Variants in NDRG4 observed in about 807,000 individuals in gnomAD.
NDRG4 encodes NDRG family member 4.
Under a neutral mutation model 55.8 loss-of-function variants are expected in NDRG4, and 38 were observed. The ratio of observed to expected loss-of-function variants is 0.68; its 90% CI spans 0.53 to 0.89. The LOEUF (loss-of-function observed/expected upper bound fraction) is 0.89, where lower values mean the gene tolerates loss of function less well. NDRG4 is among the 40% of genes least tolerant of loss of function. The pLI, the probability that NDRG4 is intolerant of heterozygous loss-of-function variation, is 0.00. For missense variants in NDRG4, 455 were observed against 468.6 expected (o/e 0.97, Z 0.27); for synonymous variants, 190 against 182.7 (o/e 1.04, Z -0.32).
chr16:58,500,518 G>T, intron 1 of NDRG4: 1 of 501,398 alleles, frequency 2.0e-6, no homozygotes, highest in Admixed American at 3.6e-5. Flanking sequence ...GTGTGGTTGG[G>T]GGGTGGGTGA....
At chr16:58,507,178 G>C in intron 8 of NDRG4, 163 bp downstream of exon 8, 1 of 631,308 alleles carries the variant, frequency 1.6e-6, no homozygotes, top group South Asian at 1.8e-5. Context: ...GTCACACCCT[G>C]TGAGGGGCAG....
At chr16:58,505,119 G>A (rs940143193) in intron 5 of NDRG4, among the ~76,000 whole-genome samples, 1 of 152,168 alleles carries the variant, frequency 6.6e-6, no homozygotes, top group Non-Finnish European at 1.5e-5. Flanking sequence ...GGAGGCCAAG[G>A]TGGGCAGATC....
rs1235215873 is a variant in NDRG4, at chr16:58,475,335, TAGG to T, written c.-24+11542_-24+11544del. Among the ~76,000 whole-genome samples, 19 of 152,314 alleles carry T rather than the reference TAGG, an allele frequency of 1.2e-4. No homozygotes were observed. The East Asian group carries it at 2.1e-3, about 17-fold the overall frequency. ...TATTGTGAGCTTGTGAGGTGTGGGT[TAGG>T]AGGGGCTGGCTCACTGGTTTAAACT... On this transcript the variant is annotated intron_variant, in intron 1 of 15. Coordinates refer to the NDRG4 transcript ENST00000258187.
At chr16:58,495,939 G>A (rs962158044), upstream of NDRG4, among the ~76,000 whole-genome samples, 3 of 152,172 alleles carry the variant, frequency 2.0e-5, no homozygotes, top group South Asian at 6.2e-4. Context: ...GTGGTCGGGA[G>A]CTGGCCCAGG....
intron 1 of NDRG4, chr16:58,501,599 G>A (rs987586721): frequency 5.3e-6 from 1 of 189,534 alleles, no homozygotes. Context: ...TGAGTCCTGA[G>A]CTCTCCGCAG....
At chr16:58,511,112 C>A in intron 14 of NDRG4, 1 of 487,660 alleles carries the variant, frequency 2.1e-6, no homozygotes, top group Non-Finnish European at 3.7e-6. Context: ...TCCGCGTCCT[C>A]CTTTACAGAA....
intron 7 of NDRG4, 118 bp from the exon 8 acceptor site, chr16:58,506,794 T>TTG: frequency 8.4e-7 from 1 of 1,185,078 alleles, no homozygotes; most frequent in Non-Finnish European, 1.2e-6. Context: ...CCACCCTGTC[T>TTG]CCCCTGCCTG....
Position 58,478,178 on chromosome 16 carries a change from CAG to C in NDRG4, c.-23-9577_-23-9576del, listed in dbSNP as rs546564155. On this transcript the variant is annotated intron_variant, in intron 1 of 15. Transcript: ENST00000258187. ...GGCCAAGGTGGATGGATCACGAGGT[CAG>C]GGGTTTGAGACCAGCCTGGCCAACA... 9.5e-3 allele frequency among the ~76,000 whole-genome samples: 1,450 copies of C among 152,194 alleles called. 8 individuals carry two copies. Among genetic ancestry groups the C allele is most frequent in the Non-Finnish European group, 0.014 (979 of 68,014 alleles).
intron 2 of NDRG4, among the ~76,000 whole-genome samples, chr16:58,490,729 C>G (rs1008760293): frequency 6.6e-6 from 1 of 152,228 alleles, no homozygotes; most frequent in African/African-American, 2.4e-5. Context: ...GTAATCCCAG[C>G]ACTTTGGGAG....
At chr16:58,510,826 C>A (rs1218713556) in intron 14 of NDRG4, 143 bp downstream of exon 14, 3 of 765,738 alleles carry the variant, frequency 3.9e-6, no homozygotes, top group Non-Finnish European at 2.2e-6. Flanking sequence ...AGAAACCCCA[C>A]AGATTCTTGC....
chr16:58,483,963 G>A (rs1332435537), intron 1 of NDRG4, among the ~76,000 whole-genome samples: 1 of 152,198 alleles, frequency 6.6e-6, no homozygotes, highest in African/African-American at 2.4e-5. Flanking sequence ...CCAGCTACTT[G>A]GGAGGCTGAG....
upstream of NDRG4, chr16:58,499,727 C>T (rs1452914942): frequency 5.5e-6 from 1 of 183,076 alleles, no homozygotes; most frequent in South Asian, 1.1e-4. Context: ...GTCAAGGGCT[C>T]TAGCTGTCTG....
chr16:58,481,009 A>T lies in NDRG4; in HGVS notation c.-23-6747A>T, dbSNP rs901364382. Among the ~76,000 whole-genome samples, 16 of 125,736 alleles carry T rather than the reference A, an allele frequency of 1.3e-4. No homozygotes were observed. In the South Asian group the frequency reaches 1.6e-3, roughly 13 times the overall value. The allele number at this position is 125,736 out of a possible 152,430, so 82.5% of individuals were successfully genotyped here. A position where few individuals can be genotyped will look rare whatever the true frequency, so the allele number is the denominator to read the frequency against. On this transcript the variant is annotated intron_variant, in intron 1 of 15. Coordinates refer to the NDRG4 transcript ENST00000258187. ...GGGCGACAGAGTGAGACTCTGTCTTAAAAAAAAAAAAAAAAAGATGATAGA... is the reference window on the plus strand; with the variant it reads ...GGGCGACAGAGTGAGACTCTGTCTTTAAAAAAAAAAAAAAAAGATGATAGA...
chr16:58,503,353 G>A (rs1457738629), intron 1 of NDRG4, among the ~76,000 whole-genome samples: 1 of 152,186 alleles, frequency 6.6e-6, no homozygotes, highest in African/African-American at 2.4e-5. Flanking sequence ...GCTGGCACGG[G>A]GTGTTTTCTG....
rs40185 is a variant in NDRG4 at position 58,506,691 on chromosome 16, G to A, written c.516+77G>A. ...CAGCTGGCTCGGTAGGAGGCAGGCG[G>A]GTGTCTTTGGCATCTGACCTGGCTC... On this transcript the variant is annotated intron_variant, in intron 7 of 14. Coordinates refer to ENST00000570248, the MANE Select transcript of NDRG4 (RefSeq NM_001242835.2). The A allele has an allele frequency of 1.1e-3, 1,689 of 1,485,288 alleles. 2 individuals are homozygous for A. Among genetic ancestry groups the A allele is most frequent in the Non-Finnish European group, 1.2e-3 (1,340 of 1,094,794 alleles). The allele number at this position is 1,485,288 out of a possible 1,614,324, so 92.0% of individuals were successfully genotyped here.
chr16:58,476,502 T>C (rs924399632), intron 1 of NDRG4, among the ~76,000 whole-genome samples: 1 of 147,364 alleles, frequency 6.8e-6, no homozygotes, highest in Non-Finnish European at 1.5e-5. Flanking sequence ...CGCTGTGTTA[T>C]GTCCTTTCTA....
At chr16:58,473,688 T>C (rs1288647087) in intron 1 of NDRG4, among the ~76,000 whole-genome samples, 2 of 152,092 alleles carry the variant, frequency 1.3e-5, no homozygotes, top group Admixed American at 6.5e-5. Context: ...CTTCAGAACA[T>C]ACCCAGAAGC....
At chr16:58,465,018 T>TTGC in intron 1 of NDRG4, 1 of 1,242,130 alleles carries the variant, frequency 8.1e-7, no homozygotes, top group Non-Finnish European at 1.0e-6. Flanking sequence ...TGCTGGAAAC[T>TTGC]CACATCCAGG....
At chr16:58,504,778 C>T in intron 5 of NDRG4, 129 bp downstream of exon 5, 1 of 904,148 alleles carries the variant, frequency 1.1e-6, no homozygotes. Context: ...CCTCCCACCT[C>T]CTCTTTATGT....
Sources: gnomAD v4.1 joint callset for allele counts (sites outside exome capture counted in the v4.1 genomes callset) on GRCh38, gnomAD v4.1.1 for gene constraint, MANE v1.5 for transcripts, NCBI Gene and HGNC (gene_info 2026-07-23, HGNC 2026-07-21) for gene names.